The following RANBP17 variants were observed in gnomAD, a reference collection of about 807,000 sequenced individuals.
RANBP17 encodes ran-binding protein 17.
A neutral mutation model predicts 141.2 loss-of-function variants in RANBP17; 158 were observed. The observed-to-expected ratio is 1.12, with a 90% CI of 0.98 to 1.28. RANBP17 has a LOEUF of 1.28. Ranked by LOEUF, RANBP17 falls within the 50% of genes most tolerant of loss-of-function variation. The probability of loss-of-function intolerance (pLI) is 0.00; values close to 1 mark genes in which losing one functional copy is unlikely to be tolerated. For synonymous variants in RANBP17, 430 were observed against 450.0 expected, an observed-to-expected ratio of 0.96 and a Z score of 0.56; for missense variants, 1,438 against 1,290.7, an observed-to-expected ratio of 1.11 and a Z score of -1.75.
intron 14 of RANBP17, among the ~76,000 whole-genome samples, chr5:170,974,982 G>A (rs1358573413): frequency 6.6e-6 from 1 of 152,064 alleles, no homozygotes; most frequent in African/African-American, 2.4e-5. Context: ...GAGACAGAAT[G>A]AGAGACAGCC....
chr5:171,214,191 G>A (rs1214021858), intron 21 of RANBP17, among the ~76,000 whole-genome samples: 1 of 152,110 alleles, frequency 6.6e-6, no homozygotes, highest in Non-Finnish European at 1.5e-5. Flanking sequence ...GAAGCTCTGG[G>A]AATTATTCCT....
intron 5 of RANBP17, among the ~76,000 whole-genome samples, chr5:170,901,134 G>T (rs1332526903): frequency 6.6e-6 from 1 of 152,134 alleles, no homozygotes; most frequent in African/African-American, 2.4e-5. Context: ...CTATTATTGT[G>T]TGGGAGTCTA....
intron 14 of RANBP17, among the ~76,000 whole-genome samples, chr5:171,107,648 A>G (rs1754946306): frequency 6.6e-6 from 1 of 151,738 alleles, no homozygotes; most frequent in African/African-American, 2.4e-5. Context: ...TCTCTTCTTA[A>G]CTTTCCTGGG....
At chr5:171,071,193 G>T (rs1260751788) in intron 14 of RANBP17, among the ~76,000 whole-genome samples, 1 of 151,986 alleles carries the variant, frequency 6.6e-6, no homozygotes, top group African/African-American at 2.4e-5. Context: ...TGCAAGTCTG[G>T]TAACTGGAGG....
At chr5:171,121,960 A>G (rs1296061558) in intron 14 of RANBP17, among the ~76,000 whole-genome samples, 1 of 152,124 alleles carries the variant, frequency 6.6e-6, no homozygotes, top group Non-Finnish European at 1.5e-5. Flanking sequence ...AGCTGCATGA[A>G]TTTCCAGCAA....
intron 14 of RANBP17, among the ~76,000 whole-genome samples, chr5:171,089,117 A>T (rs1262106132): frequency 6.6e-6 from 1 of 151,236 alleles, no homozygotes; most frequent in African/African-American, 2.4e-5. Context: ...GTCTTTGATG[A>T]TGGTGATGTA....
At chr5:171,107,208 A>T (rs1390999220) in intron 14 of RANBP17, among the ~76,000 whole-genome samples, 1 of 152,250 alleles carries the variant, frequency 6.6e-6, no homozygotes, top group Non-Finnish European at 1.5e-5. Flanking sequence ...CACAGCCTTT[A>T]CATGGTCAGC....
chr5:171,008,944 A>G (rs992754094), intron 14 of RANBP17, among the ~76,000 whole-genome samples: 1 of 152,082 alleles, frequency 6.6e-6, no homozygotes, highest in Non-Finnish European at 1.5e-5. Flanking sequence ...ATGCTTCCCA[A>G]TTTTCTATAG....
intron 14 of RANBP17, among the ~76,000 whole-genome samples, chr5:171,151,707 T>C (rs909917826): frequency 6.6e-6 from 1 of 152,208 alleles, no homozygotes; most frequent in Non-Finnish European, 1.5e-5. Context: ...GGCATTCTTA[T>C]ATAATTAACC....
At chr5:171,212,669 C>T (rs1243743424) in intron 20 of RANBP17, among the ~76,000 whole-genome samples, 1 of 152,090 alleles carries the variant, frequency 6.6e-6, no homozygotes, top group Admixed American at 6.5e-5. Context: ...AAAAGAAACA[C>T]CATTAAGTGA....
At chr5:171,278,378 G>C (rs1004378186) in intron 25 of RANBP17, among the ~76,000 whole-genome samples, 3 of 152,140 alleles carry the variant, frequency 2.0e-5, no homozygotes, top group African/African-American at 7.2e-5. Context: ...AATTAGCTGG[G>C]TGTGATGGGG....
chr5:171,180,524 C>T (rs541167382), intron 16 of RANBP17, among the ~76,000 whole-genome samples: 3 of 152,230 alleles, frequency 2.0e-5, no homozygotes, highest in Admixed American at 2.0e-4. Context: ...TAGTGCTCCA[C>T]CCAGCCAAAA....
At chr5:170,954,937 G>C (rs1775499824) in intron 13 of RANBP17, among the ~76,000 whole-genome samples, 1 of 152,150 alleles carries the variant, frequency 6.6e-6, no homozygotes, top group South Asian at 2.1e-4. Context: ...GTGAGCTGCA[G>C]GTGAGCAAGG....
chr5:171,017,981 G>A (rs922861231), intron 14 of RANBP17, among the ~76,000 whole-genome samples: 1 of 152,070 alleles, frequency 6.6e-6, no homozygotes, highest in African/African-American at 2.4e-5. Flanking sequence ...TGGCTAGCCA[G>A]TTTTCCCAGC....
chr5:171,047,014 C>CT (rs35304788), intron 14 of RANBP17, among the ~76,000 whole-genome samples: 55,059 of 97,772 alleles, frequency 0.56, 17,538 homozygotes, highest in South Asian at 0.81. Context: ...TTTATTTTGC[C>CT]TTTTTTTTTT....
chr5:171,020,475 A>C (rs1293149716), intron 14 of RANBP17, among the ~76,000 whole-genome samples: 1 of 152,088 alleles, frequency 6.6e-6, no homozygotes, highest in Admixed American at 6.6e-5. Flanking sequence ...ATATGTTTAG[A>C]ATAGTTAGCT....
intron 14 of RANBP17, among the ~76,000 whole-genome samples, chr5:170,981,904 A>G (rs1777804148): frequency 6.6e-6 from 1 of 152,186 alleles, no homozygotes; most frequent in Non-Finnish European, 1.5e-5. Context: ...ATACCTTTGA[A>G]TGCTGCAGTT....
intron 14 of RANBP17, among the ~76,000 whole-genome samples, chr5:171,104,228 G>C (rs922665073): frequency 6.6e-6 from 1 of 152,072 alleles, no homozygotes; most frequent in African/African-American, 2.4e-5. Context: ...GTAGAGACAG[G>C]ATTTCTCCAT....
At chr5:171,256,220 A>C (rs1765880142) in intron 24 of RANBP17, among the ~76,000 whole-genome samples, 1 of 152,212 alleles carries the variant, frequency 6.6e-6, no homozygotes, top group Non-Finnish European at 1.5e-5. Context: ...CAGTGAATTT[A>C]ACTGTGTGAC....
Sources: gnomAD v4.1 joint callset for allele counts (sites outside exome capture counted in the v4.1 genomes callset) on GRCh38, gnomAD v4.1.1 for gene constraint, MANE v1.5 for transcripts, NCBI Gene and HGNC (gene_info 2026-07-23, HGNC 2026-07-21) for gene names.